PRKCH: variants seen among roughly 807,000 people sequenced by gnomAD.
PRKCH encodes the protein protein kinase C eta.
A neutral mutation model predicts 82.5 loss-of-function variants in PRKCH; 28 were observed. That is an observed-to-expected ratio of 0.34 (90% CI 0.25 to 0.47). The LOEUF (loss-of-function observed/expected upper bound fraction) is 0.47, where lower values mean the gene tolerates loss of function less well. Ranked by LOEUF, PRKCH falls within the 20% of genes least tolerant of loss-of-function variation. PRKCH has a pLI of 1.00. For missense variants in PRKCH, 705 were observed against 881.8 expected (o/e 0.80, Z 2.54); for synonymous variants, 322 against 327.4 (o/e 0.98, Z 0.18).
intron 1 of PRKCH, among the ~76,000 whole-genome samples, chr14:61,216,975 T>A (rs1315926711): frequency 2.0e-5 from 3 of 152,196 alleles, no homozygotes; most frequent in Non-Finnish European, 2.9e-5. Context: ...GAGCCCTTGA[T>A]CTATACCTTA....
intron 12 of PRKCH, among the ~76,000 whole-genome samples, chr14:61,546,063 G>C (rs1461125148): frequency 6.6e-6 from 1 of 152,188 alleles, no homozygotes; most frequent in Admixed American, 6.5e-5. Context: ...TTAGCTCTTA[G>C]AATAGCAACT....
chr14:61,431,476 T>G (rs1458462067), intron 2 of PRKCH, among the ~76,000 whole-genome samples: 5 of 152,252 alleles, frequency 3.3e-5, no homozygotes, highest in Admixed American at 3.3e-4. Context: ...AAAACTTGCC[T>G]TGGTCTCATT....
intron 2 of PRKCH, among the ~76,000 whole-genome samples, chr14:61,400,793 A>G (rs992366000): frequency 2.0e-5 from 3 of 152,106 alleles, no homozygotes; most frequent in Non-Finnish European, 2.9e-5. Flanking sequence ...CTCTATAACA[A>G]ATTTCTGAGG....
At chr14:61,527,558 C>T (rs372168676) in intron 10 of PRKCH, among the ~76,000 whole-genome samples, 11 of 152,150 alleles carry the variant, frequency 7.2e-5, no homozygotes, top group South Asian at 2.1e-4. Flanking sequence ...CTTCCCTGGA[C>T]GGTTTCAGCC....
chr14:61,370,445 A>G (rs1458050187), intron 1 of PRKCH, among the ~76,000 whole-genome samples: 1 of 152,050 alleles, frequency 6.6e-6, no homozygotes, highest in Non-Finnish European at 1.5e-5. Context: ...TGCATTTGTA[A>G]TAAGTGTATC....
intron 1 of PRKCH, among the ~76,000 whole-genome samples, chr14:61,198,417 A>G (rs1442430734): frequency 6.6e-6 from 1 of 152,150 alleles, no homozygotes; most frequent in Non-Finnish European, 1.5e-5. Flanking sequence ...TCGTCAAGCA[A>G]ACTCCTACTT....
chr14:61,466,630 G>C (rs1361026844), intron 9 of PRKCH, among the ~76,000 whole-genome samples: 2 of 152,208 alleles, frequency 1.3e-5, no homozygotes, highest in Non-Finnish European at 2.9e-5. Flanking sequence ...GAAGACACTT[G>C]TGGCCAGTGC....
At chr14:61,481,908 A>T (rs1321012942) in intron 9 of PRKCH, among the ~76,000 whole-genome samples, 1 of 151,564 alleles carries the variant, frequency 6.6e-6, no homozygotes, top group African/African-American at 2.4e-5. Context: ...CTGAGGACAT[A>T]CTTAATACAA....
chr14:61,505,367 G>C (rs1887091202), intron 10 of PRKCH, among the ~76,000 whole-genome samples: 1 of 141,548 alleles, frequency 7.1e-6, no homozygotes. Flanking sequence ...GAGCTCTCTA[G>C]GATTTGTCTT....
intron 12 of PRKCH, among the ~76,000 whole-genome samples, chr14:61,534,301 T>C (rs1195472999): frequency 6.6e-6 from 1 of 152,190 alleles, no homozygotes; most frequent in East Asian, 1.9e-4. Flanking sequence ...AGCCCGAAGG[T>C]GGAAGCAACC....
At chr14:61,513,119 A>G (rs1487240405) in intron 10 of PRKCH, among the ~76,000 whole-genome samples, 4 of 152,190 alleles carry the variant, frequency 2.6e-5, no homozygotes, top group Admixed American at 2.0e-4. Flanking sequence ...TTACCACCAG[A>G]TGCAGAAAGC....
chr14:61,421,377 A>G (rs1882827042), intron 2 of PRKCH, among the ~76,000 whole-genome samples: 1 of 152,126 alleles, frequency 6.6e-6, no homozygotes, highest in African/African-American at 2.4e-5. Flanking sequence ...ATAATGTACA[A>G]ATTGTTCTTA....
intron 1 of PRKCH, chr14:61,344,540 T>C (rs188187280): frequency 6.6e-6 from 1 of 152,356 alleles, no homozygotes; most frequent in Non-Finnish European, 1.5e-5. Context: ...AGCAAGGTAG[T>C]GGAGAGTGCT....
At chr14:61,300,162 G>T (rs552194566) in intron 1 of PRKCH, among the ~76,000 whole-genome samples, 47 of 151,632 alleles carry the variant, frequency 3.1e-4, no homozygotes, top group Non-Finnish European at 5.6e-4. Flanking sequence ...GAGCATTTTT[G>T]AGCATTTCAT....
intron 9 of PRKCH, among the ~76,000 whole-genome samples, chr14:61,472,727 C>T (rs1369120071): frequency 6.6e-6 from 1 of 152,044 alleles, no homozygotes; most frequent in Admixed American, 6.5e-5. Flanking sequence ...AAAAAAACAA[C>T]AAAACAAAAA....
intron 1 of PRKCH, among the ~76,000 whole-genome samples, chr14:61,253,486 A>G (rs1162161866): frequency 1.0e-4 from 14 of 140,106 alleles, no homozygotes; most frequent in African/African-American, 3.8e-4. Flanking sequence ...TTGGCTGCAT[A>G]TTTTCAGAAT....
chr14:61,488,076 C>T (rs1287641851), intron 10 of PRKCH, among the ~76,000 whole-genome samples: 3 of 151,962 alleles, frequency 2.0e-5, no homozygotes, highest in African/African-American at 4.8e-5. Context: ...TAGTGTGAAC[C>T]GCAGGGGGCG....
intron 10 of PRKCH, among the ~76,000 whole-genome samples, chr14:61,503,111 C>T (rs1414772882): frequency 1.4e-5 from 2 of 144,460 alleles, no homozygotes; most frequent in African/African-American, 5.1e-5. Context: ...TTGACAAAAG[C>T]AAACCCAAAA....
At chr14:61,428,068 TAGATAG>T (rs1419744024) in intron 2 of PRKCH, among the ~76,000 whole-genome samples, 5 of 76,554 alleles carry the variant, frequency 6.5e-5, no homozygotes, top group Non-Finnish European at 9.5e-5. Flanking sequence ...GATAGATAGA[TAGATAG>T]ATACACACAC....
Sources: gnomAD v4.1 joint callset for allele counts (sites outside exome capture counted in the v4.1 genomes callset) on GRCh38, gnomAD v4.1.1 for gene constraint, MANE v1.5 for transcripts, NCBI Gene and HGNC (gene_info 2026-07-23, HGNC 2026-07-21) for gene names.